CSMD1: variants seen among roughly 807,000 people sequenced by gnomAD.
The protein encoded by CSMD1 is CUB and Sushi multiple domains 1.
Under a neutral mutation model 417.5 loss-of-function variants are expected in CSMD1, and 213 were observed. That is an observed-to-expected ratio of 0.51 (90% confidence interval 0.46 to 0.57). The LOEUF is 0.57. Ranked by LOEUF, CSMD1 falls within the 20% of genes least tolerant of loss-of-function variation. The probability of loss-of-function intolerance (pLI) is 0.00; values close to 1 mark genes in which losing one functional copy is unlikely to be tolerated. For synonymous variants in CSMD1, 2,862 were observed against 1,736.8 expected (o/e 1.65, Z -16.11); for missense variants, 6,923 against 4,529.7 (o/e 1.53, Z -15.17).
In CSMD1 at chr8:3,670,501, C is replaced by CAT. The variant is rs374623101; in HGVS notation, c.1009+37911_1009+37912dup. Among the ~76,000 whole-genome samples the CAT allele has an allele frequency of 8.3e-3, 1,043 of 125,150 alleles. 9 individuals are homozygous for CAT. Among genetic ancestry groups the CAT allele is most frequent in the African/African-American group, 0.024 (847 of 34,900 alleles). 82.1% of individuals were successfully genotyped at this position (125,150 alleles called of 152,430 possible). A position where few individuals can be genotyped will look rare whatever the true frequency, so the allele number is the denominator to read the frequency against. ...ATATATATATCCCGTATATATATCC[C>CAT]ATATATATATATATATCCTATATAC... On this transcript the variant is annotated intron_variant, in intron 7 of 69. Transcript: ENST00000635120.
At chr8:3,907,150 TG>T (rs1296423842) in intron 5 of CSMD1, among the ~76,000 whole-genome samples, 2 of 152,220 alleles carry the variant, frequency 1.3e-5, no homozygotes, top group African/African-American at 4.8e-5. Flanking sequence ...CATGTTACGT[TG>T]TGTATTACTT....
At chr8:3,659,040 G>A (rs578160350) in intron 7 of CSMD1, among the ~76,000 whole-genome samples, 8 of 152,076 alleles carry the variant, frequency 5.3e-5, no homozygotes, top group African/African-American at 1.2e-4. Context: ...TAATTAACAC[G>A]GCGCCATTGC....
chr8:4,187,199 T>A (rs767053172), intron 3 of CSMD1, among the ~76,000 whole-genome samples: 1 of 152,132 alleles, frequency 6.6e-6, no homozygotes, highest in African/African-American at 2.4e-5. Flanking sequence ...TGGGACATTG[T>A]TGGATTCTGT....
Position 4,326,633 on chromosome 8 carries a change from G to A in CSMD1, c.415+93320C>T, listed in dbSNP as rs187963829. 8.2e-4 allele frequency among the ~76,000 whole-genome samples: 125 copies of A among 152,222 alleles called. 1 individual carries two copies. The highest frequency in any genetic ancestry group is 2.8e-3 in the African/African-American group (116 of 41,542). ...CAGTAAGAAACCTCAGAACATATAG[G>A]ATAAAAGCATCTACCCAACGTTTCC... On this transcript the variant is annotated intron_variant, in intron 3 of 69. Transcript: ENST00000635120.
chr8:3,562,502 GC>G (rs1382426058), intron 10 of CSMD1, among the ~76,000 whole-genome samples: 9 of 150,778 alleles, frequency 6.0e-5, no homozygotes, highest in African/African-American at 1.9e-4. Context: ...ACAGATGAGT[GC>G]CACAGCAATC....
chr8:4,673,798 T>G (rs972959486), intron 1 of CSMD1, among the ~76,000 whole-genome samples: 1 of 152,162 alleles, frequency 6.6e-6, no homozygotes, highest in Non-Finnish European at 1.5e-5. Context: ...TATGAAGTGT[T>G]CAGAATACAT....
chr8:4,459,806 C>G (rs972261324), intron 2 of CSMD1, among the ~76,000 whole-genome samples: 3 of 152,192 alleles, frequency 2.0e-5, no homozygotes, highest in African/African-American at 7.2e-5. Context: ...TAAAACCATA[C>G]AATTTGTGGT....
At position 3,285,417 on chromosome 8, in the gene CSMD1, C is replaced by T. The variant is rs188894988; in HGVS notation, c.3951-1071G>A. On this transcript the variant is annotated intron_variant, in intron 25 of 69. Coordinates refer to ENST00000635120, the MANE Select transcript of CSMD1 (RefSeq NM_033225.6). ...TTTTTTTTTTCTAGAGATGGGATGT[C>T]GCTCCCTCTCCTAGGCTGGAGTGCA... 5.2e-3 allele frequency among the ~76,000 whole-genome samples: 762 copies of T among 147,548 alleles called. 11 individuals carry two copies. The highest frequency in any genetic ancestry group is 8.4e-3 in the Non-Finnish European group (568 of 67,304).
At chr8:3,596,649 T>A (rs1308317332) in intron 8 of CSMD1, among the ~76,000 whole-genome samples, 1 of 152,192 alleles carries the variant, frequency 6.6e-6, no homozygotes, top group Non-Finnish European at 1.5e-5. Flanking sequence ...TTTTTATTTA[T>A]CCTTCACATC....
chr8:4,658,393 G>A (rs528492797), intron 1 of CSMD1, among the ~76,000 whole-genome samples: 2 of 152,154 alleles, frequency 1.3e-5, no homozygotes, highest in South Asian at 4.2e-4. Flanking sequence ...CTTAGAAAGA[G>A]CACCTGCAAA....
At chr8:4,665,354 A>G (rs903447850) in intron 1 of CSMD1, among the ~76,000 whole-genome samples, 2 of 152,224 alleles carry the variant, frequency 1.3e-5, no homozygotes, top group Non-Finnish European at 2.9e-5. Flanking sequence ...ACTAATTTCC[A>G]AAAAGTAAAC....
At chr8:4,398,092 G>C (rs940153616) in intron 3 of CSMD1, among the ~76,000 whole-genome samples, 3 of 152,164 alleles carry the variant, frequency 2.0e-5, no homozygotes, top group African/African-American at 7.2e-5. Context: ...TCAAGGAAGA[G>C]ATATGCCATC....
chr8:3,943,359 TAA>T (rs35048709), intron 5 of CSMD1, among the ~76,000 whole-genome samples: 4 of 138,134 alleles, frequency 2.9e-5, no homozygotes, highest in East Asian at 2.1e-4. Context: ...TCAATTTTGT[TAA>T]AAAAAAAAAA....
chr8:3,713,245 G>A (rs1443587424), intron 6 of CSMD1, among the ~76,000 whole-genome samples: 1 of 152,098 alleles, frequency 6.6e-6, no homozygotes, highest in Admixed American at 6.6e-5. Context: ...TACATCAGCT[G>A]CCTTCACTAT....
Position 4,814,628 on chromosome 8 carries a change from G to A in CSMD1, c.86-177070C>T, listed in dbSNP as rs577716519. Among the ~76,000 whole-genome samples, 11 of 152,228 alleles carry A rather than the reference G, an allele frequency of 7.2e-5. No homozygotes were observed. In the East Asian group the frequency reaches 1.9e-3, roughly 27 times the overall value. ...CTATATTTTAATTAGTATTGATCAA[G>A]GGTCTTCATGTGCTGTATACTAGTA... On this transcript the variant is annotated intron_variant, in intron 1 of 69. Coordinates refer to ENST00000635120, the MANE Select transcript of CSMD1 (RefSeq NM_033225.6).
At position 3,842,973 on chromosome 8, in the gene CSMD1, ATTG is replaced by A. The variant is rs1280331502; in HGVS notation, c.819-88934_819-88932del. Among the ~76,000 whole-genome samples, 3 of 152,304 alleles carry A rather than the reference ATTG, an allele frequency of 2.0e-5. No homozygotes were observed. The East Asian group carries it at 5.8e-4, about 29-fold the overall frequency. ...CAAAAAGTCAACATTAGCTCACTCA[ATTG>A]TTTAGTTTGCTCAGTTTGATTTCTA... On this transcript the variant is annotated intron_variant, in intron 5 of 69. Transcript: ENST00000635120.
chr8:3,997,518 C>T, intron 5 of CSMD1, among the ~76,000 whole-genome samples: 1 of 152,188 alleles, frequency 6.6e-6, no homozygotes, highest in East Asian at 1.9e-4. Flanking sequence ...CATATATCTG[C>T]AGCAGTCTGT....
At chr8:3,538,006 G>C (rs977469856) in intron 10 of CSMD1, among the ~76,000 whole-genome samples, 1 of 152,184 alleles carries the variant, frequency 6.6e-6, no homozygotes, top group African/African-American at 2.4e-5. Context: ...TAGAGAAAGG[G>C]CTTTCCTACA....
At chr8:4,904,450 T>C (rs770145846) in intron 1 of CSMD1, among the ~76,000 whole-genome samples, 1 of 152,086 alleles carries the variant, frequency 6.6e-6, no homozygotes, top group Non-Finnish European at 1.5e-5. Flanking sequence ...TTTGAAGAGG[T>C]AAGAGACATG....
Sources: gnomAD v4.1 joint callset for allele counts (sites outside exome capture counted in the v4.1 genomes callset) on GRCh38, gnomAD v4.1.1 for gene constraint, MANE v1.5 for transcripts, NCBI Gene and HGNC (gene_info 2026-07-23, HGNC 2026-07-21) for gene names.